EXTL1: variants seen among roughly 807,000 people sequenced by gnomAD.
The protein encoded by EXTL1 is exostosin like glycosyltransferase 1.
Under a neutral mutation model 64.6 loss-of-function variants are expected in EXTL1, and 43 were observed. The ratio of observed to expected loss-of-function variants is 0.67; its 90% CI spans 0.52 to 0.86. The LOEUF (loss-of-function observed/expected upper bound fraction) is 0.86, where lower values mean the gene tolerates loss of function less well. Ranked by LOEUF, EXTL1 falls within the 40% of genes least tolerant of loss-of-function variation. The pLI, the probability that EXTL1 is intolerant of heterozygous loss-of-function variation, is 0.00. For missense variants in EXTL1, 766 were observed against 879.0 expected (o/e 0.87, Z 1.62); for synonymous variants, 352 against 360.5 (o/e 0.98, Z 0.27).
At position 26,036,164 on chromosome 1, in the gene EXTL1, C is replaced by G. The variant is rs947413729; in HGVS notation, c.*817C>G. On this transcript the variant is annotated 3_prime_UTR_variant, in exon 11 of 11. Transcript: ENST00000374280. This position sits in a 1 kb window ranked among gnomAD's most constrained non-coding sequence, Gnocchi z 5.2. ...GTCAGCGTCGCGCCGCACTCTTCAC[C>G]CGCATGTCCAGAGGGCGGCCGGGAT... is the stretch of plus-strand genomic sequence containing the variant. 2.0e-5 allele frequency: 3 copies of G among 152,740 alleles called. No individual in the cohort carries two copies. Among genetic ancestry groups the G allele is most frequent in the African/African-American group, 7.2e-5 (3 of 41,466 alleles). 9.5% of individuals were successfully genotyped at this position (152,740 alleles called of 1,614,324 possible).
In EXTL1 at chr1:26,023,132, C is replaced by G. The variant is rs1167244671; in HGVS notation, c.486C>G (p.Leu162=). Residue 162 remains leucine, a synonymous_variant, in exon 1 of 11, where the codon CTC becomes CTG. Coordinates refer to ENST00000374280, the MANE Select transcript of EXTL1 (RefSeq NM_004455.3). ...ACAGGGGCAGGAACCATCTGGTCCT[C>G]CGTCTCCACCCGGCTCCCTGCCCCA... is the stretch of plus-strand genomic sequence containing the variant. ...QWNRGRNHLV[L]RLHPAPCPRT... 3 of 1,613,858 alleles carry G rather than the reference C, an allele frequency of 1.9e-6. No homozygotes were observed. Among genetic ancestry groups the G allele is most frequent in the South Asian group, 2.2e-5 (2 of 91,074 alleles).
At chr1:26,023,707 AT>A (rs911005493) in intron 1 of EXTL1, among the ~76,000 whole-genome samples, 1 of 152,006 alleles carries the variant, frequency 6.6e-6, no homozygotes, top group East Asian at 1.9e-4. Context: ...CTACCCTAAT[AT>A]TTTTTTTCCC....
Position 26,033,911 on chromosome 1 carries a change from C to G in EXTL1, c.1679+55C>G, listed in dbSNP as rs904627690. On this transcript the variant is annotated intron_variant, in intron 9 of 10. Coordinates refer to ENST00000374280, the MANE Select transcript of EXTL1 (RefSeq NM_004455.3). This position sits in a 1 kb window ranked among gnomAD's most constrained non-coding sequence, Gnocchi z 5.1. Reference sequence around the variant, plus strand: ...GAGTATCAGAGGACCAGAGACCCCACCCCCACCCCGAACGGAGCAGAGTGG... The same window carrying G: ...GAGTATCAGAGGACCAGAGACCCCAGCCCCACCCCGAACGGAGCAGAGTGG... The G allele has an allele frequency of 1.3e-6, 2 of 1,522,662 alleles. No individual in the cohort carries two copies. Among genetic ancestry groups the G allele is most frequent in the African/African-American group, 1.4e-5 (1 of 72,080 alleles). The allele number at this position is 1,522,662 out of a possible 1,614,324, so 94.3% of individuals were successfully genotyped here. A position where few individuals can be genotyped will look rare whatever the true frequency, so the allele number is the denominator to read the frequency against.
chr1:26,023,762 TA>T (rs1379167204), intron 1 of EXTL1, among the ~76,000 whole-genome samples: 5 of 152,244 alleles, frequency 3.3e-5, no homozygotes, highest in Admixed American at 2.6e-4. Flanking sequence ...AGCACTTATA[TA>T]AATAATGATT....
At position 26,023,108 on chromosome 1, in the gene EXTL1, CA is replaced by C. The variant is rs752883908; in HGVS notation, c.463del (p.Arg155GlyfsTer70). On this transcript the variant is annotated frameshift_variant, in exon 1 of 11. Transcript: ENST00000374280. LOFTEE classifies it high-confidence loss of function. The part of the protein sequence containing the change: ...ECSSMPLQWN[R>X]GRNHLVLRLH... Reference sequence around the variant, plus strand: ...GCAGCTCAATGCCTCTGCAATGGAACAGGGGCAGGAACCATCTGGTCCTCCG... The same window carrying C: ...GCAGCTCAATGCCTCTGCAATGGAACGGGGCAGGAACCATCTGGTCCTCCG... The C allele has an allele frequency of 1.7e-5, 27 of 1,613,726 alleles. No individual in the cohort carries two copies. Among genetic ancestry groups the C allele is most frequent in the Non-Finnish European group, 2.0e-5 (24 of 1,179,912 alleles).
intron 1 of EXTL1, among the ~76,000 whole-genome samples, chr1:26,024,546 C>T (rs919018960): frequency 1.3e-5 from 2 of 152,134 alleles, no homozygotes; most frequent in Admixed American, 6.5e-5. Context: ...GATCCTTCCA[C>T]TTCCTGAAGG....
intron 1 of EXTL1, among the ~76,000 whole-genome samples, chr1:26,027,532 G>A (rs548728840): frequency 4.6e-5 from 7 of 152,036 alleles, no homozygotes; most frequent in Admixed American, 4.6e-4. Flanking sequence ...TTTCCCAGAG[G>A]AGGTGATGTT....
In EXTL1 at chr1:26,023,331, C is replaced by T. The variant is rs2050176835; in HGVS notation, c.685C>T (p.Leu229=). The T allele has an allele frequency of 1.3e-6, 2 of 1,527,406 alleles. No individual in the cohort carries two copies. The highest frequency in any genetic ancestry group is 2.0e-5 in the Admixed American group (1 of 49,114). The allele number at this position is 1,527,406 out of a possible 1,614,324, so 94.6% of individuals were successfully genotyped here. A position where few individuals can be genotyped will look rare whatever the true frequency, so the allele number is the denominator to read the frequency against. The change falls in exon 1 of 11, where the codon CTG becomes TTG. Residue 229 remains leucine (L), a synonymous_variant. Transcript: ENST00000374280. ...CCAGCCCGGGGTAGCCCTGCTAGCC[C>T]TGGAAGAGGAGAGGGGTGGGTGGCG... ...SPQPGVALLA[L]EEERGGWRTA...
In EXTL1 at chr1:26,029,494, C is replaced by T; in HGVS notation, c.874-106C>T. 32 of 740,754 alleles carry T rather than the reference C, an allele frequency of 4.3e-5. 1 individual carries two copies. The South Asian group carries it at 5.3e-4, about 12-fold the overall frequency. 45.9% of individuals were successfully genotyped at this position (740,754 alleles called of 1,614,324 possible). ...CTGAAAAATCCCATGTTCCTGTCCT[C>T]TTTGCCCCTTGCCCCCAACAGCAGC... On this transcript the variant is annotated intron_variant, in intron 2 of 10. Coordinates refer to ENST00000374280, the MANE Select transcript of EXTL1 (RefSeq NM_004455.3).
chr1:26,034,740 T>G lies in EXTL1; in HGVS notation c.1680-96T>G. 7.9e-7 allele frequency: 1 copy of G among 1,258,006 alleles called. No homozygotes were observed. The highest frequency in any genetic ancestry group is 1.1e-6 in the Non-Finnish European group (1 of 888,008). The allele number at this position is 1,258,006 out of a possible 1,614,324, so 77.9% of individuals were successfully genotyped here. ...CAGCCAGGGCTCAGAGGCTTGGGGA[T>G]GGGGGTCAAAGGGAGAGGTGAGGTC... On this transcript the variant is annotated intron_variant, in intron 9 of 10. Coordinates refer to ENST00000374280, the MANE Select transcript of EXTL1 (RefSeq NM_004455.3). The surrounding 1 kb of genome is among the most constrained non-coding windows in gnomAD (Gnocchi z 4.6).
rs1302088200 is a variant in EXTL1 at position 26,031,552 on chromosome 1, C to T, written c.1327C>T (p.Gln443Ter). Reference protein sequence around the residue: ...LKLIQAVAGSQHCAQILVLWS... With the variant: ...LKLIQAVAGS ...GCTCATCCAGGCGGTGGCAGGCTCC[C>T]AGCACTGTGCCCAGGTCTGCCCCCT... Residue 443 changes from glutamine (Q) to a stop codon, truncating the protein, a stop_gained, in exon 6 of 11, where the codon CAG (glutamine) becomes TAG (stop). Transcript: ENST00000374280. LOFTEE classifies it high-confidence loss of function. 1.3e-6 allele frequency: 2 copies of T among 1,588,952 alleles called. No individual in the cohort carries two copies. The highest frequency in any genetic ancestry group is 2.3e-5 in the South Asian group (2 of 87,286).
intron 1 of EXTL1, among the ~76,000 whole-genome samples, chr1:26,024,486 G>A (rs965269496): frequency 2.6e-5 from 4 of 152,098 alleles, no homozygotes; most frequent in African/African-American, 9.7e-5. Flanking sequence ...TCTTGCCTCT[G>A]CTTGGGGCTC....
chr1:26,035,121 A>G lies in EXTL1; in HGVS notation c.1849-44A>G, dbSNP rs751561874. On this transcript the variant is annotated intron_variant, in intron 10 of 10. Coordinates refer to ENST00000374280, the MANE Select transcript of EXTL1 (RefSeq NM_004455.3). This position sits in a 1 kb window ranked among gnomAD's most constrained non-coding sequence, Gnocchi z 5.3. ...TGCTGCACGGGCGTGGGGAGTTCGGAAGGGCAGAGAAGCCCGTTAATGCAT... is the reference window on the plus strand; with the variant it reads ...TGCTGCACGGGCGTGGGGAGTTCGGGAGGGCAGAGAAGCCCGTTAATGCAT... 9 of 1,587,544 alleles carry G rather than the reference A, an allele frequency of 5.7e-6. No individual in the cohort carries two copies. The Admixed American group carries it at 1.0e-4, about 18-fold the overall frequency.
At chr1:26,028,419 C>T (rs1409822331) in intron 1 of EXTL1, among the ~76,000 whole-genome samples, 2 of 152,226 alleles carry the variant, frequency 1.3e-5, no homozygotes, top group Non-Finnish European at 2.9e-5. Context: ...GTCCTAGTAC[C>T]CTCTGGGCCC....
In EXTL1 at chr1:26,033,274, A is replaced by C. The variant is rs569774724; in HGVS notation, c.1477A>C (p.Ile493Leu). Reference sequence around the variant, plus strand: ...ATATAGCACCATCAGAACAGATGCCATCCTCAGCCTCGATGCCCGCAGCAG... The same window carrying C: ...ATATAGCACCATCAGAACAGATGCCCTCCTCAGCCTCGATGCCCGCAGCAG... ...YPYSTIRTDA[I>L]LSLDARSSLS... Residue 493 changes from isoleucine (I) to leucine (L), a missense_variant, in exon 8 of 11, where the codon ATC becomes CTC. Coordinates refer to ENST00000374280, the MANE Select transcript of EXTL1 (RefSeq NM_004455.3). The surrounding 1 kb of genome is among the most constrained non-coding windows in gnomAD (Gnocchi z 5.1). 5.3e-4 allele frequency: 862 copies of C among 1,614,060 alleles called. 10 individuals carry two copies. In the South Asian group the frequency reaches 9.1e-3, roughly 17 times the overall value.
At position 26,033,924 on chromosome 1, in the gene EXTL1, C is replaced by T. The variant is rs559884680; in HGVS notation, c.1679+68C>T. The T allele has an allele frequency of 2.6e-5, 39 of 1,472,124 alleles. 1 individual carries two copies. The highest frequency in any genetic ancestry group is 2.0e-4 in the Middle Eastern group (1 of 5,040). 91.2% of individuals were successfully genotyped at this position (1,472,124 alleles called of 1,614,324 possible). Reference sequence around the variant, plus strand: ...CCAGAGACCCCACCCCCACCCCGAACGGAGCAGAGTGGCCTAGACCCCAGG... The same window carrying T: ...CCAGAGACCCCACCCCCACCCCGAATGGAGCAGAGTGGCCTAGACCCCAGG... On this transcript the variant is annotated intron_variant, in intron 9 of 10. Coordinates refer to ENST00000374280, the MANE Select transcript of EXTL1 (RefSeq NM_004455.3). The surrounding 1 kb of genome is among the most constrained non-coding windows in gnomAD (Gnocchi z 5.1).
chr1:26,028,831 C>T (rs907001283), intron 1 of EXTL1, among the ~76,000 whole-genome samples: 4 of 152,296 alleles, frequency 2.6e-5, no homozygotes, highest in South Asian at 2.1e-4. Context: ...GGAGGGCAGA[C>T]GTGCATGTCT....
In EXTL1 at chr1:26,030,552, C is replaced by A; in HGVS notation, c.1058C>A (p.Ala353Asp). 1 of 1,613,670 alleles carries A rather than the reference C, an allele frequency of 6.2e-7. No homozygotes were observed. The highest frequency in any genetic ancestry group is 8.5e-7 in the Non-Finnish European group (1 of 1,179,850). The change falls in exon 4 of 11, where the codon GCC becomes GAC. Residue 353 changes from alanine (A) to aspartate (D), a missense_variant. By Grantham distance (126) the Ala-to-Asp change is moderately radical. Coordinates refer to ENST00000374280, the MANE Select transcript of EXTL1 (RefSeq NM_004455.3). Reference sequence around the variant, plus strand: ...CAGCAGACCCAGTTTCTATGGGATGCCTACTTCTCCTCAGTGGAGAAGGTC... The same window carrying A: ...CAGCAGACCCAGTTTCTATGGGATGACTACTTCTCCTCAGTGGAGAAGGTC... ...LRQQTQFLWD[A>D]YFSSVEKVIH...
Position 26,035,443 on chromosome 1 carries a change from C to T in EXTL1, c.*96C>T. 1.7e-6 allele frequency: 2 copies of T among 1,172,768 alleles called. No individual in the cohort carries two copies. The highest frequency in any genetic ancestry group is 5.1e-5 in the East Asian group (2 of 39,056). 72.6% of individuals were successfully genotyped at this position (1,172,768 alleles called of 1,614,324 possible). The stretch of plus-strand genomic sequence containing the variant: ...GCTCCGCTCTTGGGACACCGGAGAA[C>T]CTATCATGTCAGCCAGCGGGCCCAC... On this transcript the variant is annotated 3_prime_UTR_variant, in exon 11 of 11. Coordinates refer to ENST00000374280, the MANE Select transcript of EXTL1 (RefSeq NM_004455.3). The surrounding 1 kb of genome is among the most constrained non-coding windows in gnomAD (Gnocchi z 5.3).
Sources: gnomAD v4.1 joint callset for allele counts (sites outside exome capture counted in the v4.1 genomes callset) on GRCh38, gnomAD v4.1.1 for gene constraint, Gnocchi (gnomAD v3.1) non-coding constraint, MANE v1.5 for transcripts, NCBI Gene and HGNC (gene_info 2026-07-23, HGNC 2026-07-21) for gene names.